FHIT: variants seen among roughly 807,000 people sequenced by gnomAD.
FHIT encodes the protein fragile histidine triad diadenosine triphosphatase.
A neutral mutation model predicts 17.9 loss-of-function variants in FHIT; 19 were observed. The ratio of observed to expected loss-of-function variants is 1.06; its 90% confidence interval spans 0.74 to 1.56. FHIT has a LOEUF of 1.56. FHIT is among the 40% of genes most tolerant of loss of function. The pLI is 0.00. For synonymous variants in FHIT, 81 were observed against 69.7 expected (o/e 1.16, Z -0.81); for missense variants, 248 against 189.2 (o/e 1.31, Z -1.82).
At chr3:59,969,251 C>T (rs1402874705) in intron 7 of FHIT, among the ~76,000 whole-genome samples, 2 of 152,112 alleles carry the variant, frequency 1.3e-5, no homozygotes, top group Non-Finnish European at 2.9e-5. Flanking sequence ...ATGGCAATCT[C>T]CATTCCATTA....
intron 5 of FHIT, among the ~76,000 whole-genome samples, chr3:60,350,632 C>T (rs771970026): frequency 6.6e-6 from 1 of 152,102 alleles, no homozygotes; most frequent in Non-Finnish European, 1.5e-5. Flanking sequence ...CTCCTTCCTC[C>T]CTGTATTCCA....
intron 5 of FHIT, among the ~76,000 whole-genome samples, chr3:60,375,042 G>A (rs1046116375): frequency 6.6e-6 from 1 of 151,358 alleles, no homozygotes; most frequent in African/African-American, 2.4e-5. Context: ...ATAATGAGAA[G>A]AGGGAGAGAA....
At position 60,980,589 on chromosome 3, in the gene FHIT, T is replaced by C. The variant is rs560005251; in HGVS notation, c.-111+61458A>G. On this transcript the variant is annotated intron_variant, in intron 3 of 9. Coordinates refer to ENST00000492590, the MANE Select transcript of FHIT (RefSeq NM_002012.4). ...CCCAGATGTCGGTTCCAGAAATGTA[T>C]GCCCAGCAGGTCTCAGACCACTCCC... 9.8e-5 allele frequency among the ~76,000 whole-genome samples: 15 copies of C among 152,316 alleles called. No homozygotes were observed. The South Asian group carries it at 2.9e-3, about 29-fold the overall frequency.
intron 2 of FHIT, among the ~76,000 whole-genome samples, chr3:61,073,078 C>T (rs146250665): frequency 9.9e-5 from 15 of 152,184 alleles, no homozygotes; most frequent in African/African-American, 2.6e-4. Context: ...GCTAAAAATT[C>T]GAGGCCTTCT....
intron 5 of FHIT, among the ~76,000 whole-genome samples, chr3:60,075,283 G>T (rs1290669193): frequency 6.6e-6 from 1 of 151,954 alleles, no homozygotes; most frequent in Non-Finnish European, 1.5e-5. Context: ...AGGGTGATGG[G>T]GTATGGGCAC....
chr3:61,214,001 A>C (rs957452719), intron 1 of FHIT, among the ~76,000 whole-genome samples: 8 of 152,232 alleles, frequency 5.3e-5, no homozygotes, highest in Non-Finnish European at 1.2e-4. Flanking sequence ...GGACCCATTC[A>C]AAGCAGTGTA....
intron 5 of FHIT, among the ~76,000 whole-genome samples, chr3:60,080,280 G>T (rs1185209080): frequency 6.6e-6 from 1 of 152,208 alleles, no homozygotes; most frequent in East Asian, 1.9e-4. Context: ...GCGATTCAGG[G>T]TTGTGCTTGT....
chr3:60,968,663 G>A (rs1047914403), intron 3 of FHIT, among the ~76,000 whole-genome samples: 2 of 152,096 alleles, frequency 1.3e-5, no homozygotes, highest in Non-Finnish European at 2.9e-5. Flanking sequence ...CACCCGCCTT[G>A]GCCTCCCAAA....
At chr3:60,210,736 T>G (rs936664999) in intron 5 of FHIT, among the ~76,000 whole-genome samples, 1 of 152,212 alleles carries the variant, frequency 6.6e-6, no homozygotes, top group South Asian at 2.1e-4. Context: ...AGTCTTAAAG[T>G]TCAACAATAT....
chr3:61,224,406 A>G (rs1445279975), intron 1 of FHIT, among the ~76,000 whole-genome samples: 1 of 151,774 alleles, frequency 6.6e-6, no homozygotes, highest in African/African-American at 2.4e-5. Flanking sequence ...TTATGTTACT[A>G]TTTTATTTTA....
chr3:60,135,131 C>A (rs544387199), intron 5 of FHIT, among the ~76,000 whole-genome samples: 1 of 152,200 alleles, frequency 6.6e-6, no homozygotes, highest in Non-Finnish European at 1.5e-5. Context: ...AACAGTGCCA[C>A]AGGAACTCAA....
intron 3 of FHIT, among the ~76,000 whole-genome samples, chr3:61,010,284 C>G (rs998073819): frequency 6.6e-6 from 1 of 151,858 alleles, no homozygotes; most frequent in East Asian, 1.9e-4. Flanking sequence ...ACTGTAAATA[C>G]ATTTAACTCA....
chr3:60,536,625 A>G, intron 5 of FHIT: 2 of 403,870 alleles, frequency 5.0e-6, no homozygotes, highest in Non-Finnish European at 8.6e-6. Context: ...ACGGTTGCTA[A>G]GCAACTCTCC....
At chr3:60,474,210 T>A (rs1194902669) in intron 5 of FHIT, among the ~76,000 whole-genome samples, 2 of 152,192 alleles carry the variant, frequency 1.3e-5, no homozygotes, top group African/African-American at 4.8e-5. Flanking sequence ...AGGCTAGAGT[T>A]TCTTCTGGTA....
intron 4 of FHIT, among the ~76,000 whole-genome samples, chr3:60,621,940 CACAGCTAG>C (rs1376026869): frequency 3.7e-4 from 57 of 152,088 alleles, no homozygotes; most frequent in African/African-American, 1.3e-3. Context: ...CTTTCATCCA[CACAGCTAG>C]TATGCCAATG....
At chr3:60,079,367 G>C (rs115535441) in intron 5 of FHIT, among the ~76,000 whole-genome samples, 1 of 152,216 alleles carries the variant, frequency 6.6e-6, no homozygotes, top group African/African-American at 2.4e-5. Flanking sequence ...ACTTTTTCCA[G>C]AGTGGGAGGA....
intron 1 of FHIT, among the ~76,000 whole-genome samples, chr3:61,225,131 G>A (rs892366370): frequency 3.3e-5 from 5 of 152,136 alleles, no homozygotes; most frequent in African/African-American, 1.2e-4. Context: ...GACAGCATCC[G>A]CAAGGGAAAC....
At chr3:60,361,274 G>C (rs1699895060) in intron 5 of FHIT, among the ~76,000 whole-genome samples, 1 of 152,146 alleles carries the variant, frequency 6.6e-6, no homozygotes, top group Admixed American at 6.5e-5. Flanking sequence ...TTTATAGGTT[G>C]AACGAGACAA....
intron 5 of FHIT, among the ~76,000 whole-genome samples, chr3:60,373,245 A>G (rs1332079520): frequency 6.6e-6 from 1 of 152,208 alleles, no homozygotes; most frequent in Non-Finnish European, 1.5e-5. Flanking sequence ...GATACAGCCC[A>G]GTCCTTGGGT....
Sources: gnomAD v4.1 joint callset for allele counts (sites outside exome capture counted in the v4.1 genomes callset) on GRCh38, gnomAD v4.1.1 for gene constraint, MANE v1.5 for transcripts, NCBI Gene and HGNC (gene_info 2026-07-23, HGNC 2026-07-21) for gene names.